HADHB: variants seen among roughly 807,000 people sequenced by gnomAD.
HADHB encodes trifunctional enzyme subunit beta, mitochondrial.
In HADHB, 50 loss-of-function variants were observed where a neutral mutation model predicts 61.9. That is an observed-to-expected ratio of 0.81 (90% CI 0.64 to 1.02). The LOEUF is 1.02. Among genes scored for constraint, HADHB ranks in the 50% least tolerant of loss-of-function variants. HADHB has a pLI of 0.00. For missense variants in HADHB, 504 were observed against 586.5 expected (o/e 0.86, Z 1.45); for synonymous variants, 191 against 201.6 (o/e 0.95, Z 0.45).
intron 12 of HADHB, among the ~76,000 whole-genome samples, chr2:26,283,736 AG>A (rs957716769): frequency 6.6e-6 from 1 of 152,148 alleles, no homozygotes; most frequent in African/African-American, 2.4e-5. Context: ...CTTTTATAAA[AG>A]CCTCCCCATG....
chr2:26,273,450 A>T (rs181829265), intron 5 of HADHB, among the ~76,000 whole-genome samples: 1 of 152,170 alleles, frequency 6.6e-6, no homozygotes, highest in African/African-American at 2.4e-5. Context: ...TCAGCATCAA[A>T]TGTTGACTTT....
intron 4 of HADHB, among the ~76,000 whole-genome samples, chr2:26,269,587 G>A (rs976183674): frequency 1.3e-5 from 2 of 152,070 alleles, no homozygotes; most frequent in African/African-American, 4.8e-5. Context: ...AGCCCTGTAG[G>A]CATTACAAAA....
At chr2:26,260,706 G>T in intron 3 of HADHB, 1 of 350,136 alleles carries the variant, frequency 2.9e-6, no homozygotes, top group Non-Finnish European at 5.3e-6. Context: ...CTCAAGTTAA[G>T]GATGAGAAGG....
In HADHB at chr2:26,277,082, G is replaced by A. The variant is rs1672556943; in HGVS notation, c.364G>A (p.Gly122Arg). ...TSNVAREAAL[G>R]AGFSDKTPAH... ...ACTCTATTTCCTAAAGGCTGCCCTT[G>A]GAGCTGGCTTCTCTGACAAGACTCC... is the stretch of plus-strand genomic sequence containing the variant. The change falls in exon 7 of 16, where the codon GGA becomes AGA. Residue 122 changes from glycine to arginine, a missense_variant. Coordinates refer to ENST00000317799, the MANE Select transcript of HADHB (RefSeq NM_000183.3). The A allele has an allele frequency of 1.3e-6, 2 of 1,583,146 alleles. No individual in the cohort carries two copies. The highest frequency in any genetic ancestry group is 1.7e-6 in the Non-Finnish European group (2 of 1,152,400).
intron 3 of HADHB, among the ~76,000 whole-genome samples, chr2:26,255,810 T>C (rs1298653191): frequency 6.6e-6 from 1 of 152,266 alleles, no homozygotes; most frequent in African/African-American, 2.4e-5. Context: ...ATAACAAATA[T>C]ATTTCCTGTG....
intron 3 of HADHB, among the ~76,000 whole-genome samples, chr2:26,261,998 G>T (rs1186642723): frequency 6.6e-6 from 1 of 151,898 alleles, no homozygotes; most frequent in African/African-American, 2.4e-5. Flanking sequence ...ACATGCTTGG[G>T]TTTGCCACAG....
At chr2:26,256,983 G>A (rs1007014781) in intron 3 of HADHB, among the ~76,000 whole-genome samples, 3 of 152,102 alleles carry the variant, frequency 2.0e-5, no homozygotes, top group African/African-American at 7.2e-5. Context: ...CAGTCCTCTC[G>A]TAAATGTGCT....
intron 1 of HADHB, among the ~76,000 whole-genome samples, chr2:26,249,308 C>T (rs913266601): frequency 3.3e-5 from 5 of 151,798 alleles, no homozygotes; most frequent in African/African-American, 7.3e-5. Flanking sequence ...CTCAGGAGTT[C>T]GAGACCAGCC....
chr2:26,255,776 A>G (rs1373362137), intron 3 of HADHB, among the ~76,000 whole-genome samples: 2 of 152,240 alleles, frequency 1.3e-5, no homozygotes, highest in African/African-American at 4.8e-5. Context: ...CCTAATCCCA[A>G]CTAGAGAAGT....
At chr2:26,265,333 C>T (rs568165962) in intron 4 of HADHB, among the ~76,000 whole-genome samples, 1 of 152,320 alleles carries the variant, frequency 6.6e-6, no homozygotes, top group Non-Finnish European at 1.5e-5. Flanking sequence ...CAGTGGCTCA[C>T]ACCTGTAATC....
intron 4 of HADHB, among the ~76,000 whole-genome samples, chr2:26,264,893 G>A (rs1317537925): frequency 1.3e-5 from 2 of 151,540 alleles, no homozygotes; most frequent in Non-Finnish European, 2.9e-5. Flanking sequence ...GAGACACTAA[G>A]GCATGAGAAT....
In HADHB at chr2:26,283,054, A is replaced by G. The variant is rs1458976891; in HGVS notation, c.1061+3A>G. The G allele has an allele frequency of 1.3e-6, 2 of 1,596,592 alleles. No individual in the cohort carries two copies. Among genetic ancestry groups the G allele is most frequent in the Admixed American group, 1.7e-5 (1 of 60,020 alleles). Reference sequence around the variant, plus strand: ...CCAAAAGATCAACTATTACTTGGGTAGGTAGCAGTTTGTATCCTTGGACTA... The same window carrying G: ...CCAAAAGATCAACTATTACTTGGGTGGGTAGCAGTTTGTATCCTTGGACTA... On this transcript the variant is annotated splice_donor_region_variant and intron_variant, in intron 12 of 15. Coordinates refer to ENST00000317799, the MANE Select transcript of HADHB (RefSeq NM_000183.3).
intron 3 of HADHB, among the ~76,000 whole-genome samples, chr2:26,257,270 G>A (rs546757211): frequency 1.3e-5 from 2 of 151,994 alleles, no homozygotes; most frequent in East Asian, 1.9e-4. Flanking sequence ...ACAGGTGCCC[G>A]CCAACACACC....
chr2:26,246,223 T>C (rs1217634993), intron 1 of HADHB, among the ~76,000 whole-genome samples: 4 of 152,354 alleles, frequency 2.6e-5, no homozygotes, highest in Non-Finnish European at 5.9e-5. Context: ...ACACTTATTA[T>C]TTAGGTCAGA....
chr2:26,257,667 A>G (rs1671686346), intron 3 of HADHB, among the ~76,000 whole-genome samples: 1 of 152,094 alleles, frequency 6.6e-6, no homozygotes, highest in Non-Finnish European at 1.5e-5. Context: ...ACTAAGGCCC[A>G]CAACGTTAAA....
At position 26,289,904 on chromosome 2, in the gene HADHB, T is replaced by C; in HGVS notation, c.1390-14T>C. On this transcript the variant is annotated splice_polypyrimidine_tract_variant and intron_variant, in intron 15 of 15. Transcript: ENST00000317799. ...ACCATTCATTGCTCTAATTGGACTT[T>C]GTTTTCTTTACAGGGCCATGCTATG... 1 of 1,591,606 alleles carries C rather than the reference T, an allele frequency of 6.3e-7. No individual in the cohort carries two copies. Among genetic ancestry groups the C allele is most frequent in the Non-Finnish European group, 8.6e-7 (1 of 1,159,524 alleles).
chr2:26,260,912 C>A (rs985967195), intron 3 of HADHB: 2 of 741,126 alleles, frequency 2.7e-6, no homozygotes. Flanking sequence ...TTACCATCAA[C>A]CTGTTCTTCC....
At chr2:26,257,159 C>T (rs563961869) in intron 3 of HADHB, among the ~76,000 whole-genome samples, 30 of 141,160 alleles carry the variant, frequency 2.1e-4, no homozygotes, top group African/African-American at 6.1e-4. Context: ...CTCGTGCTGT[C>T]GCCCAGGCTG....
intron 5 of HADHB, among the ~76,000 whole-genome samples, chr2:26,271,657 ATGG>A (rs1342423951): frequency 6.6e-6 from 1 of 152,152 alleles, no homozygotes; most frequent in Non-Finnish European, 1.5e-5. Context: ...CTAGCTAGGC[ATGG>A]TGTCTTACAC....
Sources: gnomAD v4.1 joint callset for allele counts (sites outside exome capture counted in the v4.1 genomes callset) on GRCh38, gnomAD v4.1.1 for gene constraint, MANE v1.5 for transcripts, NCBI Gene and HGNC (gene_info 2026-07-23, HGNC 2026-07-21) for gene names.